The following SLC36A2 variants were observed in gnomAD, a reference collection of about 807,000 sequenced individuals.
The protein encoded by SLC36A2 is solute carrier family 36 member 2.
In SLC36A2, 39 loss-of-function variants were observed where a neutral mutation model predicts 42.7. The observed-to-expected ratio is 0.91, with a 90% CI of 0.71 to 1.19. SLC36A2 has a LOEUF of 1.19. SLC36A2 is among the 50% of genes most tolerant of loss of function. The probability of loss-of-function intolerance (pLI) is 0.00; values close to 1 mark genes in which losing one functional copy is unlikely to be tolerated. For synonymous variants in SLC36A2, 237 were observed against 240.8 expected (o/e 0.98, Z 0.15); for missense variants, 590 against 613.7 (o/e 0.96, Z 0.41).
At chr5:151,319,010 T>C in intron 9 of SLC36A2, 1 of 224,176 alleles carries the variant, frequency 4.5e-6, no homozygotes, top group African/African-American at 2.3e-5. Flanking sequence ...GGAGTCTGGT[T>C]CATTCTTGTA....
intron 5 of SLC36A2, among the ~76,000 whole-genome samples, chr5:151,338,064 C>T (rs1756208274): frequency 1.3e-5 from 2 of 152,180 alleles, no homozygotes; most frequent in Admixed American, 6.5e-5. Flanking sequence ...GGAATAACCA[C>T]AGTACCTGCT....
intron 2 of SLC36A2, 21 bp downstream of exon 2, chr5:151,344,156 C>G (rs374712118): frequency 1.9e-6 from 3 of 1,610,966 alleles, no homozygotes; most frequent in Non-Finnish European, 1.7e-6. Context: ...ATAAAGCCCC[C>G]ACATGTGGCG....
Position 151,325,283 on chromosome 5 carries a change from T to C in SLC36A2, c.1010+3A>G. On this transcript the variant is annotated splice_donor_region_variant and intron_variant, in intron 8 of 9. Coordinates refer to ENST00000335244, the MANE Select transcript of SLC36A2 (RefSeq NM_181776.3). ...CCCACCACCTGACAGCCCATGAAGA[T>C]ACCAGCAGTTAGGCAGGTTAAGGCT... 3 of 1,613,136 alleles carry C rather than the reference T, an allele frequency of 1.9e-6. No individual in the cohort carries two copies. The highest frequency in any genetic ancestry group is 1.1e-5 in the South Asian group (1 of 90,816).
rs752673491 is a variant in SLC36A2 at position 151,316,961 on chromosome 5, C to T, written c.1308G>A (p.Met436Ile). Residue 436 changes from methionine (M) to isoleucine (I), a missense_variant, in exon 10 of 10, where the codon ATG (methionine) becomes ATA (isoleucine). Met to Ile is a conservative substitution (Grantham distance 10). Coordinates refer to ENST00000335244, the MANE Select transcript of SLC36A2 (RefSeq NM_181776.3). ...CGTCCTTGAAGATGGTGAGGGGGCT[C>T]ATGCCCTCTGAGTAGAACGTGGTGA... The part of the protein sequence containing the change: ...LEVTTFYSEG[M>I]SPLTIFKDAL... 15 of 1,613,904 alleles carry T rather than the reference C, an allele frequency of 9.3e-6. No individual in the cohort carries two copies. Among genetic ancestry groups the T allele is most frequent in the Middle Eastern group, 1.6e-4 (1 of 6,076 alleles).
chr5:151,346,012 T>A (rs961130979), intron 1 of SLC36A2, among the ~76,000 whole-genome samples: 1 of 152,218 alleles, frequency 6.6e-6, no homozygotes, highest in African/African-American at 2.4e-5. Flanking sequence ...CGAGTCTGGG[T>A]GAGCCAACCC....
chr5:151,333,294 A>T lies in SLC36A2; in HGVS notation c.773T>A (p.Leu258Gln). 6.2e-7 allele frequency: 1 copy of T among 1,614,098 alleles called. No individual in the cohort carries two copies. Among genetic ancestry groups the T allele is most frequent in the Non-Finnish European group, 8.5e-7 (1 of 1,179,954 alleles). Residue 258 changes from leucine to glutamine, a missense_variant, in exon 7 of 10, where the codon CTG becomes CAG. Coordinates refer to ENST00000335244, the MANE Select transcript of SLC36A2 (RefSeq NM_181776.3). ...QEIPDPSRLPLVASWKTYPLF... is the reference protein window; with the variant it reads ...QEIPDPSRLPQVASWKTYPLF... Reference sequence around the variant, plus strand: ...AGGGTAGGTCTTCCAGCTTGCTACCAGTGGCAACCGGCTGGGGTCTGGGAT... The same window carrying T: ...AGGGTAGGTCTTCCAGCTTGCTACCTGTGGCAACCGGCTGGGGTCTGGGAT...
rs1042026077 is a variant in SLC36A2 at position 151,316,736 on chromosome 5, G to A, written c.*81C>T. On this transcript the variant is annotated 3_prime_UTR_variant, in exon 10 of 10. Transcript: ENST00000335244. The stretch of plus-strand genomic sequence containing the variant: ...GTCTGGGCAACAAGACAGAAACTCC[G>A]TCTCAAAAAAAAAAAAAAAAAAAAA... 26 of 1,028,912 alleles carry A rather than the reference G, an allele frequency of 2.5e-5. No individual in the cohort carries two copies. Among genetic ancestry groups the A allele is most frequent in the Admixed American group, 6.2e-5 (2 of 32,074 alleles). The allele number at this position is 1,028,912 out of a possible 1,614,324, so 63.7% of individuals were successfully genotyped here. A position where few individuals can be genotyped will look rare whatever the true frequency, so the allele number is the denominator to read the frequency against.
At chr5:151,330,663 T>C (rs80209179) in intron 7 of SLC36A2, among the ~76,000 whole-genome samples, 1,739 of 152,322 alleles carry the variant, frequency 0.011, 19 homozygotes, top group Non-Finnish European at 0.018. Flanking sequence ...ATTTTTTCCC[T>C]AGTAAGTTTA....
intron 9 of SLC36A2, chr5:151,319,889 G>T (rs1186090698): frequency 6.6e-6 from 1 of 152,190 alleles, no homozygotes; most frequent in African/African-American, 2.4e-5. Context: ...AATGATTTCT[G>T]TATATTATAT....
intron 7 of SLC36A2, among the ~76,000 whole-genome samples, chr5:151,329,991 A>T (rs1461075204): frequency 4.6e-5 from 7 of 151,712 alleles, no homozygotes; most frequent in Non-Finnish European, 1.0e-4. Flanking sequence ...GTAGGCACAG[A>T]TTGGTTATAC....
chr5:151,338,983 A>C (rs759334601), intron 5 of SLC36A2, 77 bp downstream of exon 5: 12 of 1,057,822 alleles, frequency 1.1e-5, no homozygotes, highest in Non-Finnish European at 1.7e-5. Context: ...CAGAGAGAAG[A>C]AGCAGTTTGT....
intron 5 of SLC36A2, 151 bp downstream of exon 5, chr5:151,338,909 G>A (rs1477313975): frequency 1.5e-6 from 1 of 645,774 alleles, no homozygotes; most frequent in Admixed American, 1.9e-5. Flanking sequence ...CTTCAGATAT[G>A]TGAACTAGGG....
chr5:151,338,689 A>AAAG (rs1756229528), intron 5 of SLC36A2: 1 of 208,690 alleles, frequency 4.8e-6, no homozygotes, highest in African/African-American at 2.4e-5. Context: ...AAGAAAAAAA[A>AAAG]AAAGAAAGAA....
chr5:151,318,156 C>T (rs1755558017), intron 9 of SLC36A2, among the ~76,000 whole-genome samples: 1 of 152,126 alleles, frequency 6.6e-6, no homozygotes, highest in African/African-American at 2.4e-5. Context: ...AAGTTTCTTT[C>T]TGCAGCTTCT....
intron 7 of SLC36A2, among the ~76,000 whole-genome samples, chr5:151,332,683 CAGA>C (rs1173695234): frequency 6.6e-6 from 1 of 152,186 alleles, no homozygotes; most frequent in Non-Finnish European, 1.5e-5. Context: ...AGGCAGAGAA[CAGA>C]AGGAGAATTG....
intron 9 of SLC36A2, among the ~76,000 whole-genome samples, chr5:151,318,541 AT>A (rs1561649176): frequency 6.9e-6 from 1 of 145,778 alleles, no homozygotes; most frequent in East Asian, 2.0e-4. Flanking sequence ...TTATTTATAA[AT>A]ATTTATTTAT....
In SLC36A2 at chr5:151,347,548, C is replaced by A; in HGVS notation, c.-88G>T. ...GGAAGGTGTCTAGTGTAGATGTACA[C>A]CCCAGCACAGTGGTGTGTGCCCGGG... On this transcript the variant is annotated 5_prime_UTR_variant, in exon 1 of 10. Transcript: ENST00000335244. The A allele has an allele frequency of 6.5e-7, 1 of 1,528,862 alleles. No homozygotes were observed. Among genetic ancestry groups the A allele is most frequent in the Non-Finnish European group, 9.0e-7 (1 of 1,112,140 alleles). 94.7% of individuals were successfully genotyped at this position (1,528,862 alleles called of 1,614,324 possible). A position where few individuals can be genotyped will look rare whatever the true frequency, so the allele number is the denominator to read the frequency against.
In SLC36A2 at chr5:151,316,890, T is replaced by TCC; in HGVS notation, c.1378_1379insGG (p.Tyr460TrpfsTer39). On this transcript the variant is annotated frameshift_variant, in exon 10 of 10. Coordinates refer to ENST00000335244, the MANE Select transcript of SLC36A2 (RefSeq NM_181776.3). LOFTEE classifies it low-confidence loss of function (END_TRUNC). The stretch of plus-strand genomic sequence containing the variant: ...CTTGAGCAGCTCGTCCAGGGCCTGG[T>TCC]AGGTCCCCACCACAAAGCCCACGAA... 1.2e-6 allele frequency: 2 copies of TCC among 1,613,912 alleles called. No homozygotes were observed. The highest frequency in any genetic ancestry group is 1.7e-6 in the Non-Finnish European group (2 of 1,179,978).
chr5:151,335,624 C>G, intron 5 of SLC36A2, 77 bp from the exon 6 acceptor site: 1 of 1,057,974 alleles, frequency 9.5e-7, no homozygotes, highest in Non-Finnish European at 1.5e-6. Context: ...TGCCTTGCCC[C>G]TAATCAAATT....
Sources: gnomAD v4.1 joint callset for allele counts (sites outside exome capture counted in the v4.1 genomes callset) on GRCh38, gnomAD v4.1.1 for gene constraint, MANE v1.5 for transcripts, NCBI Gene and HGNC (gene_info 2026-07-23, HGNC 2026-07-21) for gene names.